MLLT3: variants seen among roughly 807,000 people sequenced by gnomAD.
MLLT3 encodes the protein protein AF-9.
Under a neutral mutation model 53.2 loss-of-function variants are expected in MLLT3, and 4 were observed. The observed-to-expected ratio is 0.08, with a 90% CI of 0.04 to 0.17. MLLT3 has a LOEUF of 0.17. Ranked by LOEUF, MLLT3 falls within the 10% of genes least tolerant of loss-of-function variation. The pLI is 1.00. For missense variants in MLLT3, 569 were observed against 684.0 expected, an observed-to-expected ratio of 0.83 and a Z score of 1.87; for synonymous variants, 283 against 230.6, an observed-to-expected ratio of 1.23 and a Z score of -2.06.
rs1041651605 is a variant in MLLT3, at chr9:20,599,569, C to G, written c.193+21085G>C. Among the ~76,000 whole-genome samples the G allele has an allele frequency of 2.0e-5, 3 of 152,012 alleles. No individual in the cohort carries two copies. The East Asian group carries it at 5.8e-4, about 29-fold the overall frequency. ...CTAAGCCAGACTTAGGCCTCAGAAT[C>G]CTTCTCATTAGACCAACCTAAAAGT... On this transcript the variant is annotated intron_variant, in intron 2 of 10. Coordinates refer to ENST00000380338, the MANE Select transcript of MLLT3 (RefSeq NM_004529.4).
rs188110950 is a variant in MLLT3, at chr9:20,372,701, C to T, written c.1126-6957G>A. Among the ~76,000 whole-genome samples, 1,176 of 151,934 alleles carry T rather than the reference C, an allele frequency of 7.7e-3. 11 individuals are homozygous for T. Among genetic ancestry groups the T allele is most frequent in the Non-Finnish European group, 0.012 (790 of 67,954 alleles). On this transcript the variant is annotated intron_variant, in intron 5 of 10. Coordinates refer to ENST00000380338, the MANE Select transcript of MLLT3 (RefSeq NM_004529.4). ...GGGATTACAGGCATGAGCCACCACGCCTGGCCTGCATTGTCTTATTTTCAA... is the reference window on the plus strand; with the variant it reads ...GGGATTACAGGCATGAGCCACCACGTCTGGCCTGCATTGTCTTATTTTCAA...
At chr9:20,512,564 T>C (rs1393131744) in intron 2 of MLLT3, among the ~76,000 whole-genome samples, 3 of 152,218 alleles carry the variant, frequency 2.0e-5, no homozygotes, top group Non-Finnish European at 4.4e-5. Context: ...ATAAACAGCA[T>C]CTATGAGTAC....
intron 2 of MLLT3, among the ~76,000 whole-genome samples, chr9:20,560,413 T>C (rs541848691): frequency 6.6e-6 from 1 of 152,318 alleles, no homozygotes; most frequent in South Asian, 2.1e-4. Context: ...TTATACCAAC[T>C]ATACTGTCAT....
chr9:20,506,671 C>A lies in MLLT3; in HGVS notation c.194-49885G>T, dbSNP rs1825388445. 2.0e-5 allele frequency among the ~76,000 whole-genome samples: 3 copies of A among 152,102 alleles called. No individual in the cohort carries two copies. In the South Asian group the frequency reaches 6.2e-4, roughly 32 times the overall value. On this transcript the variant is annotated intron_variant, in intron 2 of 10. Coordinates refer to ENST00000380338, the MANE Select transcript of MLLT3 (RefSeq NM_004529.4). ...TGGCACACATAAATAGGTTATTTTT[C>A]CATATCACTTTTCAAAAGGTGCCTC...
intron 4 of MLLT3, among the ~76,000 whole-genome samples, chr9:20,439,708 T>C (rs1370669787): frequency 6.6e-6 from 1 of 152,200 alleles, no homozygotes; most frequent in Non-Finnish European, 1.5e-5. Flanking sequence ...TAAAGTCATA[T>C]ATGTTTAAAA....
At chr9:20,471,955 A>C (rs1242175464) in intron 2 of MLLT3, among the ~76,000 whole-genome samples, 1 of 152,092 alleles carries the variant, frequency 6.6e-6, no homozygotes, top group African/African-American at 2.4e-5. Flanking sequence ...TCCTAAAAGA[A>C]TATATTATTA....
chr9:20,547,933 C>G (rs77738472), intron 2 of MLLT3, among the ~76,000 whole-genome samples: 11 of 152,282 alleles, frequency 7.2e-5, no homozygotes, highest in African/African-American at 2.2e-4. Context: ...ATCTGGACAA[C>G]GCAGCAAGAT....
At position 20,402,646 on chromosome 9, in the gene MLLT3, C is replaced by T. The variant is rs1822484180; in HGVS notation, c.1125+11075G>A. Among the ~76,000 whole-genome samples, 5 of 152,252 alleles carry T rather than the reference C, an allele frequency of 3.3e-5. No individual in the cohort carries two copies. In the South Asian group the frequency reaches 1.0e-3, roughly 32 times the overall value. On this transcript the variant is annotated intron_variant, in intron 5 of 10. Transcript: ENST00000380338. The stretch of plus-strand genomic sequence containing the variant: ...CCAGATACCTAAATGTGTCATTTTC[C>T]GTTTTGCCTAGTGATTTTTTTCCCC...
intron 4 of MLLT3, chr9:20,415,317 G>T (rs755544237): frequency 5.1e-4 from 121 of 237,240 alleles, no homozygotes; most frequent in Admixed American, 9.1e-4. Flanking sequence ...GAGAAAAGAC[G>T]TAATTGCTGC....
rs1176274864 is a variant in MLLT3 at position 20,620,293 on chromosome 9, A to ACACACG, written c.193+360_193+361insCGTGTG. 1.4e-3 allele frequency among the ~76,000 whole-genome samples: 208 copies of ACACACG among 146,040 alleles called. No homozygotes were observed. The highest frequency in any genetic ancestry group is 4.8e-3 in the African/African-American group (190 of 39,898). ...CACACACACACACACACACACACAC[A>ACACACG]CGCGCAAAGTGTTTATTCCCTCCAG... On this transcript the variant is annotated intron_variant, in intron 2 of 10. Transcript: ENST00000380338. The surrounding 1 kb of genome is among the most constrained non-coding windows in gnomAD (Gnocchi z 6.1).
At chr9:20,557,377 C>G (rs561199028) in intron 2 of MLLT3, among the ~76,000 whole-genome samples, 1 of 152,254 alleles carries the variant, frequency 6.6e-6, no homozygotes, top group South Asian at 2.1e-4. Flanking sequence ...ATTTCCTCAT[C>G]TTTAAAATGG....
intron 5 of MLLT3, among the ~76,000 whole-genome samples, chr9:20,394,973 C>CAGGTGAAAG (rs1432064573): frequency 6.6e-6 from 1 of 152,076 alleles, no homozygotes; most frequent in Admixed American, 6.6e-5. Context: ...GAGAGAAGAG[C>CAGGTGAAAG]AGGTGAAAGA....
chr9:20,562,004 G>A (rs185004421), intron 2 of MLLT3, among the ~76,000 whole-genome samples: 2 of 152,206 alleles, frequency 1.3e-5, no homozygotes, highest in African/African-American at 4.8e-5. Flanking sequence ...GGGAGATGGA[G>A]AGAATCCTAA....
At chr9:20,556,711 G>T (rs1321272568) in intron 2 of MLLT3, among the ~76,000 whole-genome samples, 1 of 151,822 alleles carries the variant, frequency 6.6e-6, no homozygotes, top group Non-Finnish European at 1.5e-5. Flanking sequence ...AATAAAAGTT[G>T]GGGGAGAAAT....
intron 2 of MLLT3, among the ~76,000 whole-genome samples, chr9:20,564,496 G>A (rs908431295): frequency 1.3e-5 from 2 of 152,124 alleles, no homozygotes; most frequent in African/African-American, 4.8e-5. Context: ...AGAAAAAATA[G>A]CCTTTGCGTT....
At chr9:20,388,677 GA>G (rs200012951) in intron 5 of MLLT3, among the ~76,000 whole-genome samples, 2 of 149,524 alleles carry the variant, frequency 1.3e-5, no homozygotes, top group Middle Eastern at 3.4e-3. Context: ...AGGAAGAAAG[GA>G]AAAAAAAACC....
At position 20,502,800 on chromosome 9, in the gene MLLT3, A is replaced by C. The variant is rs150588024; in HGVS notation, c.194-46014T>G. Among the ~76,000 whole-genome samples, 132 of 152,342 alleles carry C rather than the reference A, an allele frequency of 8.7e-4. 1 individual carries two copies. Among genetic ancestry groups the C allele is most frequent in the Non-Finnish European group, 1.4e-3 (95 of 68,034 alleles). On this transcript the variant is annotated intron_variant, in intron 2 of 10. Transcript: ENST00000380338. ...GAATGACTGTAGACAAACAACCCTA[A>C]CATCTCCATCAAAAAACTGTTAGAA...
chr9:20,445,109 C>T (rs189527714), intron 4 of MLLT3, among the ~76,000 whole-genome samples: 26 of 151,822 alleles, frequency 1.7e-4, no homozygotes, highest in African/African-American at 6.3e-4. Flanking sequence ...AAAAAAAGTT[C>T]GTCGGGCTAG....
At chr9:20,478,437 C>T (rs79959245) in intron 2 of MLLT3, among the ~76,000 whole-genome samples, 2,408 of 152,192 alleles carry the variant, frequency 0.016, 65 homozygotes, top group African/African-American at 0.055. Context: ...GACTGACTAA[C>T]ATGCCTCTTG....
Sources: gnomAD v4.1 joint callset for allele counts (sites outside exome capture counted in the v4.1 genomes callset) on GRCh38, gnomAD v4.1.1 for gene constraint, Gnocchi (gnomAD v3.1) non-coding constraint, MANE v1.5 for transcripts, NCBI Gene and HGNC (gene_info 2026-07-23, HGNC 2026-07-21) for gene names.